The following HCRTR2 variants were observed in gnomAD, a reference collection of about 807,000 sequenced individuals.
HCRTR2 encodes the protein orexin receptor type 2.
HCRTR2 carries 22 observed loss-of-function variants against 49.0 expected under a neutral mutation model. The observed-to-expected ratio is 0.45, with a 90% confidence interval of 0.32 to 0.64. The LOEUF is 0.64. Ranked by LOEUF, HCRTR2 falls within the 30% of genes least tolerant of loss-of-function variation. The pLI is 0.04. For missense variants in HCRTR2, 491 were observed against 559.4 expected, an observed-to-expected ratio of 0.88 and a Z score of 1.23; for synonymous variants, 236 against 205.3, an observed-to-expected ratio of 1.15 and a Z score of -1.28.
intron 1 of HCRTR2, among the ~76,000 whole-genome samples, chr6:55,192,716 C>G (rs759400913): frequency 3.3e-5 from 5 of 152,138 alleles, no homozygotes; most frequent in Admixed American, 6.5e-5. Flanking sequence ...TTCACTAAAT[C>G]CAATGGCCTT....
intron 1 of HCRTR2, among the ~76,000 whole-genome samples, chr6:55,112,095 C>G (rs538700877): frequency 2.3e-4 from 35 of 151,740 alleles, no homozygotes; most frequent in African/African-American, 4.4e-4. Flanking sequence ...ATTCAGCATC[C>G]CTTTATGATT....
chr6:55,262,698 CTG>C (rs1766789246), intron 3 of HCRTR2, among the ~76,000 whole-genome samples: 1 of 138,608 alleles, frequency 7.2e-6, no homozygotes, highest in Admixed American at 7.6e-5. Flanking sequence ...TGTAGGGAAT[CTG>C]AATTTATTTA....
intron 3 of HCRTR2, among the ~76,000 whole-genome samples, chr6:55,260,823 T>G (rs1766740307): frequency 6.6e-6 from 1 of 152,222 alleles, no homozygotes; most frequent in South Asian, 2.1e-4. Context: ...TATCTATTAT[T>G]ATGACAATCA....
At chr6:55,281,398 T>G (rs2127334872) in intron 6 of HCRTR2, among the ~76,000 whole-genome samples, 1 of 152,306 alleles carries the variant, frequency 6.6e-6, no homozygotes, top group South Asian at 2.1e-4. Context: ...GAGAAGTGTT[T>G]GAAGCAGAAG....
intron 1 of HCRTR2, among the ~76,000 whole-genome samples, chr6:55,245,053 T>C (rs935076722): frequency 1.3e-5 from 2 of 151,984 alleles, no homozygotes; most frequent in Non-Finnish European, 2.9e-5. Context: ...AGTATCATGC[T>C]GTTTGGGTTA....
intron 1 of HCRTR2, among the ~76,000 whole-genome samples, chr6:55,140,057 C>A (rs1221402847): frequency 6.6e-6 from 1 of 151,938 alleles, no homozygotes; most frequent in Non-Finnish European, 1.5e-5. Flanking sequence ...ATGAACACAC[C>A]CATGCATAGT....
At chr6:55,120,256 C>G (rs183111074) in intron 1 of HCRTR2, among the ~76,000 whole-genome samples, 183 of 151,170 alleles carry the variant, frequency 1.2e-3, no homozygotes, top group African/African-American at 4.3e-3. Flanking sequence ...CTATGTGGGC[C>G]CTTTTTTGGT....
At chr6:55,166,585 A>G (rs1264327380) in intron 1 of HCRTR2, among the ~76,000 whole-genome samples, 1 of 152,056 alleles carries the variant, frequency 6.6e-6, no homozygotes, top group African/African-American at 2.4e-5. Context: ...AAACCTTGAA[A>G]CCTTCATGCA....
chr6:55,138,866 A>G (rs1036820079), intron 1 of HCRTR2, among the ~76,000 whole-genome samples: 1 of 152,176 alleles, frequency 6.6e-6, no homozygotes, highest in Non-Finnish European at 1.5e-5. Flanking sequence ...ATTGAAACCC[A>G]TCTTTGCTAG....
chr6:55,257,102 T>G (rs1350813230), intron 3 of HCRTR2, among the ~76,000 whole-genome samples: 1 of 151,996 alleles, frequency 6.6e-6, no homozygotes, highest in African/African-American at 2.4e-5. Context: ...GGATACTACA[T>G]TACAAAGCAG....
chr6:55,140,871 C>T (rs569349193), intron 1 of HCRTR2, among the ~76,000 whole-genome samples: 12 of 152,230 alleles, frequency 7.9e-5, no homozygotes, highest in African/African-American at 2.6e-4. Context: ...TACATACAGG[C>T]ATATCTGCCC....
intron 1 of HCRTR2, among the ~76,000 whole-genome samples, chr6:55,122,792 A>C (rs1409407815): frequency 6.6e-6 from 1 of 152,066 alleles, no homozygotes; most frequent in African/African-American, 2.4e-5. Context: ...CAGCCATAAA[A>C]AATGATGAGT....
At chr6:55,174,234 A>G, upstream of HCRTR2, 1 of 190,036 alleles carries the variant, frequency 5.3e-6, no homozygotes, top group Non-Finnish European at 1.1e-5. Context: ...TCAGCGAGGG[A>G]GGAGGCTGTG....
At chr6:55,165,533 A>G (rs1243084923) in intron 1 of HCRTR2, among the ~76,000 whole-genome samples, 1 of 152,020 alleles carries the variant, frequency 6.6e-6, no homozygotes, top group South Asian at 2.1e-4. Flanking sequence ...AAAGAAACAC[A>G]GTAAATTTTT....
At chr6:55,245,955 T>C (rs1766435029) in intron 1 of HCRTR2, among the ~76,000 whole-genome samples, 1 of 152,016 alleles carries the variant, frequency 6.6e-6, no homozygotes, top group African/African-American at 2.4e-5. Flanking sequence ...CATATTGCAG[T>C]AGGGTGGGCC....
At chr6:55,111,433 C>T (rs369593842) in intron 1 of HCRTR2, among the ~76,000 whole-genome samples, 129 of 151,490 alleles carry the variant, frequency 8.5e-4, no homozygotes, top group Middle Eastern at 3.4e-3. Context: ...TGAAGAGAGA[C>T]GATCCAAAGC....
chr6:55,149,813 C>T (rs866740669), intron 1 of HCRTR2, among the ~76,000 whole-genome samples: 1 of 152,074 alleles, frequency 6.6e-6, no homozygotes, highest in Middle Eastern at 3.4e-3. Context: ...TATTTGAATA[C>T]ATTAGTTAAA....
chr6:55,145,609 G>C (rs976904939), intron 1 of HCRTR2, among the ~76,000 whole-genome samples: 1 of 151,884 alleles, frequency 6.6e-6, no homozygotes, highest in Non-Finnish European at 1.5e-5. Flanking sequence ...TAGAGACGGG[G>C]TTTCACCGTG....
intron 3 of HCRTR2, among the ~76,000 whole-genome samples, chr6:55,256,844 G>GCT (rs1766662807): frequency 6.6e-6 from 1 of 151,988 alleles, no homozygotes; most frequent in Non-Finnish European, 1.5e-5. Context: ...CTCTGCTTAC[G>GCT]GGAGCACACT....
Sources: gnomAD v4.1 joint callset for allele counts (sites outside exome capture counted in the v4.1 genomes callset) on GRCh38, gnomAD v4.1.1 for gene constraint, MANE v1.5 for transcripts, NCBI Gene and HGNC (gene_info 2026-07-23, HGNC 2026-07-21) for gene names.